AFG3L2: variants seen among roughly 807,000 people sequenced by gnomAD.
AFG3L2 encodes the protein AFG3 like matrix AAA peptidase subunit 2, also known as mitochondrial inner membrane m-AAA protease component AFG3L2.
AFG3L2 carries 54 observed loss-of-function variants against 94.5 expected under a neutral mutation model. That is an observed-to-expected ratio of 0.57 (90% CI 0.46 to 0.72). The LOEUF is 0.72. Among genes scored for constraint, AFG3L2 ranks in the 30% least tolerant of loss-of-function variants. AFG3L2 has a pLI of 0.00. For missense variants in AFG3L2, 754 were observed against 994.9 expected (o/e 0.76, Z 3.26); for synonymous variants, 377 against 365.5 (o/e 1.03, Z -0.36).
intron 16 of AFG3L2, among the ~76,000 whole-genome samples, chr18:12,336,852 C>T (rs377151889): frequency 5.9e-5 from 9 of 152,108 alleles, no homozygotes; most frequent in Non-Finnish European, 1.3e-4. Context: ...GGTACAACAA[C>T]GACAAACACA....
At position 12,358,828 on chromosome 18, in the gene AFG3L2, T is replaced by A. The variant is rs776289671; in HGVS notation, c.868A>T (p.Ser290Cys). 6.2e-7 allele frequency: 1 copy of A among 1,614,258 alleles called. No individual in the cohort carries two copies. Among genetic ancestry groups the A allele is most frequent in the South Asian group, 1.1e-5 (1 of 91,084 alleles). ...ACCTTGGCAGTGGTTTCTCCGACAC[T>A]GAAGAGTCCGCCCATCCCTCGGCCT... The part of the protein sequence containing the change: ...RTGRGMGGLF[S>C]VGETTAKVLK... The change falls in exon 8 of 17, where the codon AGT (serine) becomes TGT (cysteine). Residue 290 changes from serine to cysteine, a missense_variant. By Grantham distance (112) the Ser-to-Cys change is moderately radical. Transcript: ENST00000269143.
chr18:12,356,910 T>C, intron 8 of AFG3L2, 79 bp from the exon 9 acceptor site: 6 of 1,399,288 alleles, frequency 4.3e-6, no homozygotes, highest in Non-Finnish European at 4.9e-6. Flanking sequence ...AATTACAAGA[T>C]ATAACTCTGT....
At chr18:12,352,166 T>C (rs1042038786) in intron 10 of AFG3L2, among the ~76,000 whole-genome samples, 7 of 152,114 alleles carry the variant, frequency 4.6e-5, no homozygotes, top group African/African-American at 1.7e-4. Context: ...CATTTCTCAG[T>C]GTAAATGCCA....
intron 1 of AFG3L2, among the ~76,000 whole-genome samples, chr18:12,374,507 G>A (rs1909082663): frequency 1.3e-5 from 2 of 152,282 alleles, no homozygotes; most frequent in East Asian, 3.9e-4. Flanking sequence ...GTAATGCCCA[G>A]GTGTCACTAG....
intron 16 of AFG3L2, chr18:12,336,982 A>C: frequency 2.0e-6 from 1 of 487,972 alleles, no homozygotes; most frequent in East Asian, 3.0e-5. Context: ...CTACCTATTT[A>C]TTTTAGAGGT....
In AFG3L2 at chr18:12,328,958, TAC is replaced by T. The variant is rs1413867532; in HGVS notation, c.*605_*606del. 5.9e-5 allele frequency: 33 copies of T among 558,936 alleles called. No homozygotes were observed. The South Asian group carries it at 7.4e-4, about 13-fold the overall frequency. The allele number at this position is 558,936 out of a possible 1,614,324, so 34.6% of individuals were successfully genotyped here. ...GGGACCCTATGTGTGTTCAGAAAAG[TAC>T]AGTGTTGACATTTTATTTTTTATGT... On this transcript the variant is annotated 3_prime_UTR_variant, in exon 17 of 17. Transcript: ENST00000269143.
chr18:12,366,251 T>C (rs968180962), intron 5 of AFG3L2, among the ~76,000 whole-genome samples: 1 of 152,254 alleles, frequency 6.6e-6, no homozygotes, highest in Admixed American at 6.5e-5. Context: ...ATTGATGGCA[T>C]GTCATAATTT....
chr18:12,363,691 C>T lies in AFG3L2; in HGVS notation c.627+91G>A, dbSNP rs1218329107. 5 of 1,013,156 alleles carry T rather than the reference C, an allele frequency of 4.9e-6. No homozygotes were observed. The East Asian group carries it at 1.2e-4, about 24-fold the overall frequency. The allele number at this position is 1,013,156 out of a possible 1,614,324, so 62.8% of individuals were successfully genotyped here. A position where few individuals can be genotyped will look rare whatever the true frequency, so the allele number is the denominator to read the frequency against. ...GTTCTGATATATCTGGTGCGTATAACTCCTAGAGTATGAGGCAGGTTTTCC... is the reference window on the plus strand; with the variant it reads ...GTTCTGATATATCTGGTGCGTATAATTCCTAGAGTATGAGGCAGGTTTTCC... On this transcript the variant is annotated intron_variant, in intron 6 of 16. Coordinates refer to ENST00000269143, the MANE Select transcript of AFG3L2 (RefSeq NM_006796.3).
At chr18:12,354,816 C>T (rs11872852) in intron 9 of AFG3L2, among the ~76,000 whole-genome samples, 7,879 of 151,604 alleles carry the variant, frequency 0.052, 646 homozygotes, top group African/African-American at 0.18. Flanking sequence ...CAATTTCCCC[C>T]CATCCACTTT....
In AFG3L2 at chr18:12,363,830, C is replaced by T. The variant is rs199896352; in HGVS notation, c.579G>A (p.Lys193=). The change falls in exon 6 of 17, where the codon AAG becomes AAA. Residue 193 remains lysine (K), a synonymous_variant. Coordinates refer to ENST00000269143, the MANE Select transcript of AFG3L2 (RefSeq NM_006796.3). ...GVVDRLEVVN[K]RFVRVTFTPG... ...GTGTAAAGGTCACTCGAACAAAACG[C>T]TTGTTGACGACTTCCAATCTGTCTA... 136 of 1,613,234 alleles carry T rather than the reference C, an allele frequency of 8.4e-5. No individual in the cohort carries two copies. The highest frequency in any genetic ancestry group is 1.1e-4 in the Non-Finnish European group (128 of 1,179,814).
intron 16 of AFG3L2, among the ~76,000 whole-genome samples, chr18:12,335,994 G>A (rs1365763158): frequency 6.6e-6 from 1 of 152,218 alleles, no homozygotes; most frequent in East Asian, 1.9e-4. Context: ...ATAACAGCAA[G>A]AGAAATTTGG....
chr18:12,354,822 A>C, intron 9 of AFG3L2, among the ~76,000 whole-genome samples: 3 of 112,076 alleles, frequency 2.7e-5, no homozygotes, highest in Admixed American at 1.1e-4. Flanking sequence ...CCCCCCATCC[A>C]CTTTATATCT....
chr18:12,337,629 G>A, intron 15 of AFG3L2, 94 bp from the exon 16 acceptor site: 1 of 1,178,134 alleles, frequency 8.5e-7, no homozygotes, highest in Non-Finnish European at 1.2e-6. Flanking sequence ...AGTGCACAAA[G>A]GTGCTCTGTG....
intron 10 of AFG3L2, among the ~76,000 whole-genome samples, chr18:12,351,852 A>G (rs1446639734): frequency 6.6e-6 from 1 of 151,868 alleles, no homozygotes. Context: ...TGGCCTATCC[A>G]GTGTTTTTTA....
At chr18:12,376,092 T>C (rs562420275) in intron 1 of AFG3L2, among the ~76,000 whole-genome samples, 1 of 152,312 alleles carries the variant, frequency 6.6e-6, no homozygotes, top group South Asian at 2.1e-4. Context: ...CCTCCCTAAG[T>C]GCTGGGATCG....
At chr18:12,365,776 C>G (rs1322084457) in intron 5 of AFG3L2, among the ~76,000 whole-genome samples, 1 of 152,054 alleles carries the variant, frequency 6.6e-6, no homozygotes, top group African/African-American at 2.4e-5. Flanking sequence ...TTATCCATTT[C>G]ATGGATGAAA....
intron 1 of AFG3L2, among the ~76,000 whole-genome samples, chr18:12,374,766 A>G (rs1217780609): frequency 6.6e-6 from 1 of 152,236 alleles, no homozygotes; most frequent in Admixed American, 6.5e-5. Context: ...GAGCAGCAAA[A>G]GAAAAGCAGT....
rs139336315 is a variant in AFG3L2, at chr18:12,360,991, A to G, written c.628-940T>C. Among the ~76,000 whole-genome samples the G allele has an allele frequency of 2.2e-3, 342 of 152,370 alleles. 2 individuals are homozygous for G. The highest frequency in any genetic ancestry group is 7.7e-3 in the African/African-American group (320 of 41,584). On this transcript the variant is annotated intron_variant, in intron 6 of 16. Transcript: ENST00000269143. The stretch of plus-strand genomic sequence containing the variant: ...TGTGCATGTATTAGCTCCATTTTAT[A>G]GTACAAAAAAACTTTGTTTCTCCTC...
intron 1 of AFG3L2, among the ~76,000 whole-genome samples, chr18:12,374,557 C>T (rs542240038): frequency 3.9e-5 from 6 of 152,098 alleles, no homozygotes; most frequent in Admixed American, 3.9e-4. Context: ...GTATCAGGAC[C>T]GCGAACCCCC....
Sources: gnomAD v4.1 joint callset for allele counts (sites outside exome capture counted in the v4.1 genomes callset) on GRCh38, gnomAD v4.1.1 for gene constraint, MANE v1.5 for transcripts, NCBI Gene and HGNC (gene_info 2026-07-23, HGNC 2026-07-21) for gene names.